The following GPC5 variants were observed in gnomAD, a reference collection of about 807,000 sequenced individuals.
GPC5 encodes the protein glypican 5, also known as glypican-5.
Under a neutral mutation model 53.9 loss-of-function variants are expected in GPC5, and 47 were observed. The ratio of observed to expected loss-of-function variants is 0.87; its 90% CI spans 0.69 to 1.11. The LOEUF is 1.11. GPC5 is among the 50% of genes most tolerant of loss of function. GPC5 has a pLI of 0.00. For synonymous variants in GPC5, 286 were observed against 263.3 expected, an observed-to-expected ratio of 1.09 and a Z score of -0.84; for missense variants, 748 against 713.1, an observed-to-expected ratio of 1.05 and a Z score of -0.56.
At chr13:91,990,482 C>A (rs929358795) in intron 6 of GPC5, among the ~76,000 whole-genome samples, 12 of 151,968 alleles carry the variant, frequency 7.9e-5, no homozygotes, top group Non-Finnish European at 1.5e-4. Flanking sequence ...ATGGTAACAC[C>A]AAGACAAAGG....
intron 2 of GPC5, among the ~76,000 whole-genome samples, chr13:91,480,872 C>T (rs1455469812): frequency 1.3e-5 from 2 of 152,070 alleles, no homozygotes; most frequent in East Asian, 3.9e-4. Context: ...CTCTTTCCTA[C>T]TAGTTCTTTA....
chr13:92,824,227 T>C (rs1339183726), intron 7 of GPC5, among the ~76,000 whole-genome samples: 1 of 151,304 alleles, frequency 6.6e-6, no homozygotes, highest in African/African-American at 2.4e-5. Flanking sequence ...ACCTAGTCAG[T>C]ACTAGTCACC....
At chr13:91,901,951 G>C (rs953005955) in intron 5 of GPC5, among the ~76,000 whole-genome samples, 1 of 151,790 alleles carries the variant, frequency 6.6e-6, no homozygotes, top group African/African-American at 2.4e-5. Context: ...TTTAACCCCC[G>C]ATAGAAATAG....
intron 7 of GPC5, chr13:92,340,299 A>T (rs2043355411): frequency 6.6e-6 from 1 of 152,188 alleles, no homozygotes; most frequent in African/African-American, 2.4e-5. Context: ...TCCAAAGACT[A>T]TATTCATGAT....
chr13:92,740,128 C>T (rs1889046253), intron 7 of GPC5, among the ~76,000 whole-genome samples: 1 of 151,972 alleles, frequency 6.6e-6, no homozygotes, highest in Admixed American at 6.6e-5. Flanking sequence ...AAGCCTCCTC[C>T]CTTCTCGGGG....
chr13:91,526,041 A>G (rs562040210), intron 2 of GPC5, among the ~76,000 whole-genome samples: 99 of 152,296 alleles, frequency 6.5e-4, no homozygotes, highest in Non-Finnish European at 1.1e-3. Context: ...CATGATAATG[A>G]TAAAATGGAA....
At chr13:92,660,011 C>T (rs1287151517) in intron 7 of GPC5, among the ~76,000 whole-genome samples, 3 of 152,204 alleles carry the variant, frequency 2.0e-5, no homozygotes, top group African/African-American at 7.2e-5. Context: ...ATCCTTCTGT[C>T]TGCTCTTCCA....
chr13:92,437,805 A>G (rs1877373363), intron 7 of GPC5, among the ~76,000 whole-genome samples: 1 of 152,028 alleles, frequency 6.6e-6, no homozygotes, highest in African/African-American at 2.4e-5. Flanking sequence ...GGTTATGAGA[A>G]GGAATTCCAA....
At chr13:92,225,539 T>C (rs2042478869) in intron 7 of GPC5, among the ~76,000 whole-genome samples, 1 of 152,220 alleles carries the variant, frequency 6.6e-6, no homozygotes, top group Admixed American at 6.5e-5. Flanking sequence ...AGCAATTTAG[T>C]CTTTTATAAA....
At chr13:92,205,110 C>T (rs977275253) in intron 7 of GPC5, among the ~76,000 whole-genome samples, 9 of 152,130 alleles carry the variant, frequency 5.9e-5, no homozygotes, top group Non-Finnish European at 1.3e-4. Flanking sequence ...GATCTCCTGA[C>T]CTCGTGATCC....
At chr13:92,568,113 G>A (rs1031232117) in intron 7 of GPC5, among the ~76,000 whole-genome samples, 22 of 152,056 alleles carry the variant, frequency 1.4e-4, no homozygotes, top group African/African-American at 5.3e-4. Flanking sequence ...CTTGAGGCCA[G>A]AAGTTCGAGA....
chr13:91,607,008 T>C (rs868597154), intron 2 of GPC5, among the ~76,000 whole-genome samples: 9 of 151,978 alleles, frequency 5.9e-5, no homozygotes, highest in African/African-American at 1.9e-4. Context: ...CTTTTGAATG[T>C]GTTTGCTCTT....
chr13:91,482,234 C>G (rs9515930), intron 2 of GPC5, among the ~76,000 whole-genome samples: 7,562 of 152,254 alleles, frequency 0.05, 246 homozygotes, highest in Non-Finnish European at 0.078. Context: ...GATTTGCTCT[C>G]TCTCTCTCAC....
In GPC5 at chr13:92,547,819, C is replaced by CTTTTTTTTTTTTTTT. The variant is rs567478017; in HGVS notation, c.1562-318453_1562-318439dup. The stretch of plus-strand genomic sequence containing the variant: ...AAGAAAACTTATTATGCCTATTATT[C>CTTTTTTTTTTTTTTT]TTTTTTTTTTTTTTTTTTTTTTTTC... On this transcript the variant is annotated intron_variant, in intron 7 of 7. Transcript: ENST00000377067. Among the ~76,000 whole-genome samples the CTTTTTTTTTTTTTTT allele has an allele frequency of 1.0e-4, 10 of 100,450 alleles. 2 individuals carry two copies. Among genetic ancestry groups the CTTTTTTTTTTTTTTT allele is most frequent in the African/African-American group, 2.4e-4 (6 of 24,930 alleles). 65.9% of individuals were successfully genotyped at this position (100,450 alleles called of 152,430 possible).
intron 7 of GPC5, among the ~76,000 whole-genome samples, chr13:92,768,992 A>G (rs1875514506): frequency 6.6e-6 from 1 of 152,188 alleles, no homozygotes; most frequent in South Asian, 2.1e-4. Context: ...TTGTAGTATC[A>G]TATAAATAAG....
At chr13:91,472,846 G>A (rs1023973305) in intron 2 of GPC5, among the ~76,000 whole-genome samples, 6 of 152,108 alleles carry the variant, frequency 3.9e-5, no homozygotes, top group South Asian at 4.1e-4. Flanking sequence ...GAATTCAACC[G>A]AGTGAACTTG....
At chr13:91,814,454 A>G (rs770884310) in intron 5 of GPC5, among the ~76,000 whole-genome samples, 1 of 152,198 alleles carries the variant, frequency 6.6e-6, no homozygotes, top group Non-Finnish European at 1.5e-5. Context: ...TATTTTTACA[A>G]GCAGGATATT....
At chr13:92,227,905 C>T (rs1025723638) in intron 7 of GPC5, among the ~76,000 whole-genome samples, 1 of 151,958 alleles carries the variant, frequency 6.6e-6, no homozygotes, top group Non-Finnish European at 1.5e-5. Flanking sequence ...GAAGCCTTAC[C>T]AATACCATAA....
intron 3 of GPC5, among the ~76,000 whole-genome samples, chr13:91,728,168 T>C (rs991097724): frequency 1.3e-5 from 2 of 152,124 alleles, no homozygotes; most frequent in Non-Finnish European, 2.9e-5. Flanking sequence ...TTATTTCATT[T>C]TAAAATAGGA....
Sources: gnomAD v4.1 joint callset for allele counts (sites outside exome capture counted in the v4.1 genomes callset) on GRCh38, gnomAD v4.1.1 for gene constraint, MANE v1.5 for transcripts, NCBI Gene and HGNC (gene_info 2026-07-23, HGNC 2026-07-21) for gene names.